MEF2C: variants seen among roughly 807,000 people sequenced by gnomAD.
MEF2C encodes the protein myocyte-specific enhancer factor 2C.
In MEF2C, 6 loss-of-function variants were observed where a neutral mutation model predicts 50.5. The ratio of observed to expected loss-of-function variants is 0.12; its 90% CI spans 0.07 to 0.23. The LOEUF (loss-of-function observed/expected upper bound fraction) is 0.23. Ranked by LOEUF, MEF2C falls within the 10% of genes least tolerant of loss-of-function variation. The pLI is 1.00. For synonymous variants in MEF2C, 183 were observed against 228.0 expected, an observed-to-expected ratio of 0.80 and a Z score of 1.78; for missense variants, 276 against 605.0, an observed-to-expected ratio of 0.46 and a Z score of 5.70.
intron 2 of MEF2C, among the ~76,000 whole-genome samples, chr5:88,817,615 A>C (rs1554146708): frequency 6.6e-6 from 1 of 151,958 alleles, no homozygotes; most frequent in Non-Finnish European, 1.5e-5. Context: ...CAGTTATTGC[A>C]CTGATAATTA....
intron 1 of MEF2C, chr5:88,827,270 C>T (rs1166419989): frequency 6.6e-6 from 1 of 152,170 alleles, no homozygotes; most frequent in African/African-American, 2.4e-5. Context: ...CTCTTCCTCC[C>T]TCCTTCCCTC....
intron 6 of MEF2C, chr5:88,737,939 T>C (rs1179768568): frequency 1.1e-5 from 11 of 985,198 alleles, no homozygotes; most frequent in African/African-American, 3.5e-5. Flanking sequence ...AAAGGAACAA[T>C]GATGGCAGTG....
At chr5:88,780,741 A>G in intron 3 of MEF2C, 2 of 981,400 alleles carry the variant, frequency 2.0e-6, no homozygotes, top group Non-Finnish European at 2.4e-6. Context: ...GAAATCAATT[A>G]TTTATTTTTG....
At chr5:88,870,032 T>A (rs1278899273) in intron 1 of MEF2C, among the ~76,000 whole-genome samples, 1 of 151,628 alleles carries the variant, frequency 6.6e-6, no homozygotes. Context: ...TAAACAATGC[T>A]TTGACTTGAG....
chr5:88,851,970 A>T (rs1405724037), intron 1 of MEF2C, among the ~76,000 whole-genome samples: 8 of 152,190 alleles, frequency 5.3e-5, no homozygotes, highest in Non-Finnish European at 1.2e-4. Context: ...TAAGCAATTT[A>T]TCAAACTATT....
At chr5:88,899,736 A>G (rs1364797657) in intron 1 of MEF2C, among the ~76,000 whole-genome samples, 3 of 152,166 alleles carry the variant, frequency 2.0e-5, no homozygotes, top group Admixed American at 6.6e-5. Flanking sequence ...GATGCTATTT[A>G]CTATTTTGCT....
intron 1 of MEF2C, among the ~76,000 whole-genome samples, chr5:88,888,607 TTGTGCTTCA>T (rs1834221720): frequency 1.3e-5 from 2 of 152,326 alleles, no homozygotes; most frequent in Admixed American, 1.3e-4. Context: ...TTTCTTCCAG[TTGTGCTTCA>T]TTTTACAGTC....
intron 1 of MEF2C, among the ~76,000 whole-genome samples, chr5:88,850,677 G>GAC (rs201577468): frequency 6.6e-6 from 1 of 151,230 alleles, no homozygotes; most frequent in African/African-American, 2.4e-5. Flanking sequence ...TGATCTCTAT[G>GAC]ACACACACAC....
chr5:88,820,727 T>C (rs1195127695), intron 2 of MEF2C, among the ~76,000 whole-genome samples: 1 of 152,016 alleles, frequency 6.6e-6, no homozygotes, highest in Non-Finnish European at 1.5e-5. Flanking sequence ...AACATGTGAA[T>C]ACACAGTTGA....
intron 1 of MEF2C, among the ~76,000 whole-genome samples, chr5:88,873,894 AG>A (rs1488146552): frequency 1.3e-5 from 2 of 151,906 alleles, no homozygotes; most frequent in South Asian, 2.1e-4. Flanking sequence ...CAAATTTGTT[AG>A]ATTTCATTTA....
At chr5:88,852,519 A>C (rs1268419868) in intron 1 of MEF2C, among the ~76,000 whole-genome samples, 1 of 152,174 alleles carries the variant, frequency 6.6e-6, no homozygotes. Context: ...AAAGATTTTT[A>C]TTTTAATTAT....
rs565631294 is a variant in MEF2C at position 88,794,647 on chromosome 5, T to C, written c.258+9951A>G. The stretch of plus-strand genomic sequence containing the variant: ...CTGTGCAGAAGCTCTTTAGTTTAAT[T>C]AGGTCCCATTTGTCAATTTTGGCTT... On this transcript the variant is annotated intron_variant, in intron 3 of 10. Coordinates refer to ENST00000504921, the MANE Select transcript of MEF2C (RefSeq NM_002397.5). 5.3e-5 allele frequency among the ~76,000 whole-genome samples: 8 copies of C among 152,324 alleles called. No homozygotes were observed. In the East Asian group the frequency reaches 1.2e-3, roughly 22 times the overall value.
chr5:88,821,245 C>T (rs972283956), intron 2 of MEF2C, among the ~76,000 whole-genome samples: 47 of 151,618 alleles, frequency 3.1e-4, no homozygotes, highest in African/African-American at 1.1e-3. Context: ...CTCAAAAGTG[C>T]GACATTAAGA....
At chr5:88,844,644 T>C (rs548807535) in intron 1 of MEF2C, 1 of 757,358 alleles carries the variant, frequency 1.3e-6, no homozygotes. Context: ...TCTAACTTTT[T>C]CTCTGATTCA....
intron 3 of MEF2C, among the ~76,000 whole-genome samples, chr5:88,797,242 A>G (rs1223242444): frequency 6.6e-6 from 1 of 152,054 alleles, no homozygotes; most frequent in Non-Finnish European, 1.5e-5. Flanking sequence ...GTCTCCGACT[A>G]TTATTGTGTG....
intron 2 of MEF2C, among the ~76,000 whole-genome samples, chr5:88,821,254 G>C (rs1808202565): frequency 6.6e-6 from 1 of 151,698 alleles, no homozygotes; most frequent in Admixed American, 6.6e-5. Context: ...GCGACATTAA[G>C]ATTCTTTGTT....
At chr5:88,870,489 G>A (rs1829170617) in intron 1 of MEF2C, among the ~76,000 whole-genome samples, 1 of 152,032 alleles carries the variant, frequency 6.6e-6, no homozygotes, top group Non-Finnish European at 1.5e-5. Flanking sequence ...GAATGAGCCA[G>A]ATGACAGTGG....
intron 6 of MEF2C, chr5:88,740,473 C>T (rs1379011296): frequency 2.0e-6 from 2 of 984,324 alleles, no homozygotes; most frequent in African/African-American, 1.7e-5. Context: ...CATCACCATC[C>T]CAGCTTTTGA....
intron 2 of MEF2C, among the ~76,000 whole-genome samples, chr5:88,808,468 GCTC>G (rs1289917068): frequency 2.6e-5 from 4 of 152,058 alleles, no homozygotes; most frequent in African/African-American, 9.7e-5. Context: ...TACTTTTAGT[GCTC>G]CTCAATTTTT....
Sources: allele counts gnomAD v4.1 joint callset (sites outside exome capture counted in the v4.1 genomes callset), GRCh38; gene constraint gnomAD v4.1.1; transcripts MANE v1.5; gene names NCBI Gene and HGNC (gene_info 2026-07-23, HGNC 2026-07-21).